The following IFT122 variants were observed in gnomAD, a reference collection of about 807,000 sequenced individuals.
The protein encoded by IFT122 is intraflagellar transport 122.
A neutral mutation model predicts 161.6 loss-of-function variants in IFT122; 118 were observed. The ratio of observed to expected loss-of-function variants is 0.73; its 90% confidence interval spans 0.63 to 0.85. The LOEUF (loss-of-function observed/expected upper bound fraction) is 0.85. Among genes scored for constraint, IFT122 ranks in the 40% least tolerant of loss-of-function variants. IFT122 has a pLI of 0.00. For missense variants in IFT122, 1,381 were observed against 1,579.6 expected (o/e 0.87, Z 2.13); for synonymous variants, 550 against 602.4 (o/e 0.91, Z 1.27).
intron 5 of IFT122, 123 bp downstream of exon 5, chr3:129,461,427 A>G (rs1285769852): frequency 2.9e-5 from 22 of 764,112 alleles, no homozygotes; most frequent in Non-Finnish European, 4.7e-5. Context: ...TCTACCTTCA[A>G]TGGCTGAGGG....
intron 17 of IFT122, among the ~76,000 whole-genome samples, chr3:129,494,036 G>A (rs544249781): frequency 3.9e-5 from 6 of 152,304 alleles, no homozygotes; most frequent in Non-Finnish European, 7.3e-5. Context: ...TCCTTAGTGG[G>A]TGCCTTTTGG....
At chr3:129,516,797 A>G (rs1473112707) in intron 26 of IFT122, among the ~76,000 whole-genome samples, 11 of 142,416 alleles carry the variant, frequency 7.7e-5, no homozygotes, top group Admixed American at 1.4e-4. Context: ...GCTCCTGCAC[A>G]CACACAGAGA....
chr3:129,461,326 C>A, intron 5 of IFT122, 22 bp downstream of exon 5: 1 of 1,560,986 alleles, frequency 6.4e-7, no homozygotes. Context: ...TTCCTGATGT[C>A]CTGTCCTGGA....
At position 129,456,160 on chromosome 3, in the gene IFT122, G is replaced by A. The variant is rs1369498510; in HGVS notation, c.194-2439G>A. The A allele has an allele frequency of 5.2e-6, 5 of 963,910 alleles. No homozygotes were observed. In the East Asian group the frequency reaches 2.4e-4, roughly 46 times the overall value. The allele number at this position is 963,910 out of a possible 1,614,324, so 59.7% of individuals were successfully genotyped here. On this transcript the variant is annotated intron_variant, in intron 3 of 29. Transcript: ENST00000348417. ...CTTGTTTGGGTCATGCAGCTGGTCAGTGAGATCTCTAGGAATTCTGACCCA... is the reference window on the plus strand; with the variant it reads ...CTTGTTTGGGTCATGCAGCTGGTCAATGAGATCTCTAGGAATTCTGACCCA...
rs1008848797 is a variant in IFT122, at chr3:129,519,801, T to C, written c.3636+69T>C. 6.3e-6 allele frequency: 10 copies of C among 1,577,922 alleles called. No homozygotes were observed. In the African/African-American group the frequency reaches 9.4e-5, roughly 15 times the overall value. ...CTTTTCCCTTGCCCAAATGTCCCTC[T>C]GGGAGGCGTGGCCCCTGGGAGGAGG... On this transcript the variant is annotated intron_variant, in intron 29 of 29. Coordinates refer to ENST00000348417, the MANE Select transcript of IFT122 (RefSeq NM_052989.3).
chr3:129,512,106 G>T (rs1030084888), intron 23 of IFT122, among the ~76,000 whole-genome samples: 1 of 152,152 alleles, frequency 6.6e-6, no homozygotes, highest in Non-Finnish European at 1.5e-5. Flanking sequence ...GTACTGTGAG[G>T]ATAAAAATGC....
At chr3:129,502,967 C>A in intron 20 of IFT122, 85 bp downstream of exon 20, 1 of 1,332,100 alleles carries the variant, frequency 7.5e-7, no homozygotes, top group Non-Finnish European at 1.0e-6. Flanking sequence ...CTTTGGGGTT[C>A]AGATGGAGAG....
rs758677168 is a variant in IFT122 at position 129,466,953 on chromosome 3, A to C, written c.627A>C (p.Arg209Ser). Reference protein sequence around the residue: ...NEDAEDVIVNRYIQEIPSTLK... With the variant: ...NEDAEDVIVNSYIQEIPSTLK... ...ATGCCGAGGATGTCATTGTCAACAG[A>C]TATATTCAGGAAATCCCTTCCACTC... is the stretch of plus-strand genomic sequence containing the variant. The change falls in exon 8 of 30, where the codon AGA becomes AGC. Residue 209 changes from arginine to serine, a missense_variant. This residue lies in a region of IFT122 where 544 missense variants were observed against 648.0 expected (regional missense o/e 0.84). Transcript: ENST00000348417. The C allele has an allele frequency of 6.2e-7, 1 of 1,614,206 alleles. No individual in the cohort carries two copies. The highest frequency in any genetic ancestry group is 8.5e-7 in the Non-Finnish European group (1 of 1,179,986).
chr3:129,469,671 T>C (rs900870990), intron 9 of IFT122, among the ~76,000 whole-genome samples: 21 of 152,212 alleles, frequency 1.4e-4, no homozygotes, highest in Admixed American at 7.8e-4. Context: ...AGTGAAATTA[T>C]ATGCCCAAGA....
intron 16 of IFT122, among the ~76,000 whole-genome samples, chr3:129,488,760 C>T (rs2079636666): frequency 1.3e-5 from 2 of 151,984 alleles, no homozygotes; most frequent in Non-Finnish European, 2.9e-5. Context: ...CACAGGCACT[C>T]CGTAAATGGC....
chr3:129,508,876 C>T (rs1272006251), intron 23 of IFT122, among the ~76,000 whole-genome samples: 2 of 152,172 alleles, frequency 1.3e-5, no homozygotes, highest in Non-Finnish European at 2.9e-5. Flanking sequence ...GAATTGGGCC[C>T]TTTCTGTGAA....
Position 129,495,552 on chromosome 3 carries a change from A to G in IFT122, c.2153A>G (p.His718Arg). 1 of 1,614,218 alleles carries G rather than the reference A, an allele frequency of 6.2e-7. No individual in the cohort carries two copies. The highest frequency in any genetic ancestry group is 8.5e-7 in the Non-Finnish European group (1 of 1,180,040). The change falls in exon 18 of 30, where the codon CAC (histidine) becomes CGC (arginine). Residue 718 changes from histidine (H) to arginine (R), a missense_variant. Physicochemically the swap from His to Arg is conservative, Grantham distance 29. Around this residue, in one of 7 missense-constraint regions of IFT122, gnomAD observed 496 missense variants for 502.5 expected, o/e 0.99. Transcript: ENST00000348417. ...EAAKLYKRSG[H>R]ENLALEMYTD... ...GCCAAACTGTACAAGAGGAGTGGGC[A>G]CGAGAACCTCGCGCTTGAAATGTAC...
intron 23 of IFT122, among the ~76,000 whole-genome samples, chr3:129,509,360 C>T (rs2082532964): frequency 6.6e-6 from 1 of 152,186 alleles, no homozygotes; most frequent in Admixed American, 6.5e-5. Context: ...TCGATGATTG[C>T]TCTCGGTTGT....
chr3:129,505,333 A>G (rs1374271417), intron 21 of IFT122, among the ~76,000 whole-genome samples: 2 of 152,212 alleles, frequency 1.3e-5, no homozygotes, highest in Non-Finnish European at 2.9e-5. Context: ...TTACGCTTCT[A>G]TATGGTAACC....
At chr3:129,510,074 C>T (rs977257992) in intron 23 of IFT122, among the ~76,000 whole-genome samples, 1 of 152,202 alleles carries the variant, frequency 6.6e-6, no homozygotes, top group Non-Finnish European at 1.5e-5. Flanking sequence ...TAGCATTTCT[C>T]TTTTTTCAGA....
intron 1 of IFT122, 149 bp downstream of exon 1, chr3:129,440,520 C>T (rs2072853475): frequency 1.0e-6 from 1 of 968,990 alleles, no homozygotes; most frequent in Non-Finnish European, 1.6e-6. Flanking sequence ...GGGTCGCCCT[C>T]CCGCCCCTTG....
At chr3:129,451,034 T>A (rs1222836345) in intron 2 of IFT122, among the ~76,000 whole-genome samples, 1 of 152,110 alleles carries the variant, frequency 6.6e-6, no homozygotes, top group Non-Finnish European at 1.5e-5. Flanking sequence ...GGTGTGTTTT[T>A]AAACTCTCCA....
chr3:129,450,490 C>G (rs2074637537), intron 2 of IFT122, among the ~76,000 whole-genome samples: 1 of 151,912 alleles, frequency 6.6e-6, no homozygotes, highest in Non-Finnish European at 1.5e-5. Context: ...CTGTCTAAGT[C>G]TACTTCCTCT....
intron 19 of IFT122, among the ~76,000 whole-genome samples, chr3:129,500,376 A>G (rs1362909940): frequency 6.6e-6 from 1 of 152,246 alleles, no homozygotes; most frequent in Non-Finnish European, 1.5e-5. Context: ...TTTTCCACCT[A>G]TGCCATCAGG....
Sources: gnomAD v4.1 joint callset for allele counts (sites outside exome capture counted in the v4.1 genomes callset) on GRCh38, gnomAD v4.1.1 for gene constraint, gnomAD v4.1.1 regional missense constraint, MANE v1.5 for transcripts, NCBI Gene and HGNC (gene_info 2026-07-23, HGNC 2026-07-21) for gene names.